Variants in DNM3 observed in about 807,000 individuals in gnomAD.
DNM3 encodes dynamin-3.
DNM3 carries 47 observed loss-of-function variants against 101.6 expected under a neutral mutation model. The observed-to-expected ratio is 0.46, with a 90% confidence interval of 0.37 to 0.59. The LOEUF is 0.59. Ranked by LOEUF, DNM3 falls within the 20% of genes least tolerant of loss-of-function variation. DNM3 has a pLI of 0.00. For synonymous variants in DNM3, 385 were observed against 387.9 expected (o/e 0.99, Z 0.09); for missense variants, 849 against 1,085.7 (o/e 0.78, Z 3.06).
intron 13 of DNM3, among the ~76,000 whole-genome samples, chr1:172,112,423 C>T (rs778780737): frequency 6.6e-6 from 1 of 152,158 alleles, no homozygotes; most frequent in Non-Finnish European, 1.5e-5. Context: ...TCCAAGGCCA[C>T]GTGACTAATA....
chr1:172,331,757 C>T (rs2066194826), intron 17 of DNM3, among the ~76,000 whole-genome samples: 1 of 152,106 alleles, frequency 6.6e-6, no homozygotes, highest in Non-Finnish European at 1.5e-5. Flanking sequence ...TTGAAGAGAA[C>T]ATTTTGAATA....
At chr1:171,975,923 T>C (rs542141391) in intron 2 of DNM3, among the ~76,000 whole-genome samples, 1 of 152,208 alleles carries the variant, frequency 6.6e-6, no homozygotes, top group South Asian at 2.1e-4. Flanking sequence ...TAATTGTGCC[T>C]GTGAATAACC....
intron 1 of DNM3, among the ~76,000 whole-genome samples, chr1:171,909,029 A>G (rs2039067549): frequency 6.6e-6 from 1 of 151,566 alleles, no homozygotes; most frequent in Non-Finnish European, 1.5e-5. Flanking sequence ...GCTATGTGCC[A>G]TGTGTAGTAG....
intron 1 of DNM3, among the ~76,000 whole-genome samples, chr1:171,847,576 A>T (rs1177096354): frequency 6.6e-6 from 1 of 152,138 alleles, no homozygotes; most frequent in Non-Finnish European, 1.5e-5. Context: ...ATATAACTGG[A>T]TGCAGTGAAG....
intron 4 of DNM3, among the ~76,000 whole-genome samples, chr1:172,030,134 T>A (rs2048498575): frequency 3.9e-5 from 6 of 152,140 alleles, no homozygotes; most frequent in Non-Finnish European, 8.8e-5. Context: ...GCTGGAGGCC[T>A]CATACTACCT....
rs1213566950 is a variant in DNM3 at position 171,989,082 on chromosome 1, A to T, written c.523A>T (p.Thr175Ser). The part of the protein sequence containing the change: ...TRENCLILAV[T>S]PANTDLANSD... ...GGAGAACTGTCTGATTTTAGCTGTT[A>T]CTCCAGCCAACACTGATCTTGCAAA... Residue 175 changes from threonine (T) to serine (S), a missense_variant, in exon 4 of 21, where the codon ACT becomes TCT. Physicochemically the swap from Thr to Ser is moderately conservative, Grantham distance 58 (BLOSUM62 1). Transcript: ENST00000627582. The T allele has an allele frequency of 6.2e-7, 1 of 1,613,150 alleles. No individual in the cohort carries two copies. The highest frequency in any genetic ancestry group is 1.3e-5 in the African/African-American group (1 of 75,010).
At chr1:172,328,308 CTGCATGCTTCA>C (rs1378946941) in intron 17 of DNM3, among the ~76,000 whole-genome samples, 1 of 152,158 alleles carries the variant, frequency 6.6e-6, no homozygotes, top group Non-Finnish European at 1.5e-5. Context: ...CATCTCCTTT[CTGCATGCTTCA>C]TGATATTTTT....
At chr1:172,060,237 G>C (rs1464512739) in intron 10 of DNM3, among the ~76,000 whole-genome samples, 2 of 132,626 alleles carry the variant, frequency 1.5e-5, no homozygotes, top group Non-Finnish European at 3.1e-5. Context: ...CTCATGGGTA[G>C]GAAGAATCAA....
intron 14 of DNM3, among the ~76,000 whole-genome samples, chr1:172,239,902 A>T (rs1434330153): frequency 1.4e-5 from 2 of 143,788 alleles, no homozygotes; most frequent in African/African-American, 5.1e-5. Context: ...CCCTGTCCAA[A>T]GCCCAGTTTC....
At chr1:172,241,661 G>A (rs1331460340) in intron 14 of DNM3, among the ~76,000 whole-genome samples, 1 of 152,038 alleles carries the variant, frequency 6.6e-6, no homozygotes, top group African/African-American at 2.4e-5. Context: ...CTGCCAAGGA[G>A]CTGTTGTCTC....
intron 10 of DNM3, among the ~76,000 whole-genome samples, chr1:172,051,759 T>C (rs1313625278): frequency 6.6e-6 from 1 of 152,194 alleles, no homozygotes; most frequent in Non-Finnish European, 1.5e-5. Context: ...CATTAAACCT[T>C]AGAGCCCACA....
intron 17 of DNM3, among the ~76,000 whole-genome samples, chr1:172,328,880 A>G (rs1293236794): frequency 2.6e-5 from 4 of 152,014 alleles, no homozygotes; most frequent in Non-Finnish European, 5.9e-5. Context: ...GGGTCTCGCT[A>G]AGTTTCCCAG....
intron 12 of DNM3, among the ~76,000 whole-genome samples, chr1:172,092,189 G>A (rs1413812722): frequency 1.3e-5 from 2 of 152,144 alleles, no homozygotes; most frequent in Non-Finnish European, 2.9e-5. Flanking sequence ...ACATCAATAA[G>A]TCCAGAGTTG....
intron 11 of DNM3, among the ~76,000 whole-genome samples, chr1:172,071,507 T>A (rs1227993656): frequency 1.3e-5 from 2 of 152,132 alleles, no homozygotes; most frequent in African/African-American, 4.8e-5. Context: ...AAGTATCCAG[T>A]TAGACAGAGT....
In DNM3 at chr1:171,841,548, G is replaced by A; in HGVS notation, c.-109G>A. On this transcript the variant is annotated 5_prime_UTR_variant, in exon 1 of 21. Transcript: ENST00000627582. ...GGCTCCGACGTCTGCGCCAGGACCT[G>A]GCTGGCTGAGCCCGGCGCAGCAGCA... 1.4e-6 allele frequency: 2 copies of A among 1,443,380 alleles called. No individual in the cohort carries two copies. Among genetic ancestry groups the A allele is most frequent in the East Asian group, 5.4e-5 (2 of 37,374 alleles). The allele number at this position is 1,443,380 out of a possible 1,614,324, so 89.4% of individuals were successfully genotyped here.
chr1:171,862,797 AAAG>A (rs2034315515), intron 1 of DNM3, among the ~76,000 whole-genome samples: 1 of 152,150 alleles, frequency 6.6e-6, no homozygotes, highest in Non-Finnish European at 1.5e-5. Context: ...AGAGTATATG[AAAG>A]AAGGAAAAGA....
chr1:172,171,030 C>G (rs1025090026), intron 14 of DNM3, among the ~76,000 whole-genome samples: 7 of 151,734 alleles, frequency 4.6e-5, no homozygotes, highest in Admixed American at 1.3e-4. Context: ...TTCATGATCT[C>G]TTCTGTATGC....
chr1:171,874,752 T>C lies in DNM3; in HGVS notation c.161+32935T>C, dbSNP rs148579894. On this transcript the variant is annotated intron_variant, in intron 1 of 20. Coordinates refer to ENST00000627582, the MANE Select transcript of DNM3 (RefSeq NM_015569.5). ...ATGCTGAGGTTTGGAGTATGAATTA[T>C]CCTGTCACCCCGGTAGTGAACATAG... Among the ~76,000 whole-genome samples, 364 of 151,892 alleles carry C rather than the reference T, an allele frequency of 2.4e-3. 1 individual carries two copies. Among genetic ancestry groups the C allele is most frequent in the African/African-American group, 8.0e-3 (333 of 41,388 alleles).
At chr1:172,351,594 T>G (rs554220780) in intron 17 of DNM3, among the ~76,000 whole-genome samples, 23 of 152,196 alleles carry the variant, frequency 1.5e-4, no homozygotes, top group Middle Eastern at 6.8e-3. Context: ...AGCTTAGCAG[T>G]TTTTATGTGT....
Sources: allele counts gnomAD v4.1 joint callset (sites outside exome capture counted in the v4.1 genomes callset), GRCh38; gene constraint gnomAD v4.1.1; transcripts MANE v1.5; gene names NCBI Gene and HGNC (gene_info 2026-07-23, HGNC 2026-07-21).